The following LOC128125817 variants were observed in gnomAD, a reference collection of about 807,000 sequenced individuals.
At chr1:41,607,578 T>A in the LOC128125817 span, among the ~76,000 whole-genome samples, 2 of 152,198 alleles carry the variant, frequency 1.3e-5, no homozygotes, top group Non-Finnish European at 2.9e-5. Context: ...CTGTTTCCTT[T>A]GAAATAAGCT....
chr1:41,611,665 C>T, the LOC128125817 span, among the ~76,000 whole-genome samples: 1 of 152,220 alleles, frequency 6.6e-6, no homozygotes, highest in Non-Finnish European at 1.5e-5. Context: ...AGCCTTTAAT[C>T]AAGGAAGCAA....
the LOC128125817 span, among the ~76,000 whole-genome samples, chr1:41,619,102 C>T: frequency 5.1e-3 from 770 of 152,250 alleles, 3 homozygotes; most frequent in Non-Finnish European, 6.5e-3. Context: ...GATGTTGTGC[C>T]TGCCTCTCCC....
the LOC128125817 span, among the ~76,000 whole-genome samples, chr1:41,601,221 T>C: frequency 6.6e-6 from 1 of 152,168 alleles, no homozygotes; most frequent in African/African-American, 2.4e-5. Flanking sequence ...AGAGGATTGA[T>C]TTGGCTATTT....
the LOC128125817 span, among the ~76,000 whole-genome samples, chr1:41,614,462 C>T: frequency 1.3e-5 from 2 of 152,232 alleles, no homozygotes; most frequent in African/African-American, 4.8e-5. Flanking sequence ...GGCAAGCCTC[C>T]TTTCTGCAGG....
the LOC128125817 span, among the ~76,000 whole-genome samples, chr1:41,615,313 TC>T: frequency 6.6e-6 from 1 of 152,230 alleles, no homozygotes; most frequent in African/African-American, 2.4e-5. Context: ...ATGGTTTATG[TC>T]CTGAACTTGG....
At chr1:41,615,547 A>G in the LOC128125817 span, among the ~76,000 whole-genome samples, 1 of 152,258 alleles carries the variant, frequency 6.6e-6, no homozygotes, top group African/African-American at 2.4e-5. Flanking sequence ...AGGCACCAAG[A>G]CTGCCCAGAA....
chr1:41,595,609 G>A, the LOC128125817 span, among the ~76,000 whole-genome samples: 1 of 152,304 alleles, frequency 6.6e-6, no homozygotes, highest in East Asian at 1.9e-4. Flanking sequence ...AATATCGAAT[G>A]TCAACTTGAT....
chr1:41,618,942 C>A, the LOC128125817 span, among the ~76,000 whole-genome samples: 1 of 152,350 alleles, frequency 6.6e-6, no homozygotes, highest in Non-Finnish European at 1.5e-5. Context: ...CAGTTGCCAC[C>A]CTGGTGTGTG....
the LOC128125817 span, among the ~76,000 whole-genome samples, chr1:41,608,011 C>CT: frequency 1.3e-5 from 2 of 152,142 alleles, no homozygotes; most frequent in East Asian, 3.8e-4. Flanking sequence ...CTCCTAGCTG[C>CT]TAGGAGGGTG....
the LOC128125817 span, among the ~76,000 whole-genome samples, chr1:41,605,203 A>C: frequency 6.9e-6 from 1 of 145,636 alleles, no homozygotes; most frequent in South Asian, 2.2e-4. Flanking sequence ...AAGGGAAGGG[A>C]GGAAAGGAAG....
chr1:41,593,753 C>T, the LOC128125817 span, among the ~76,000 whole-genome samples: 1 of 152,252 alleles, frequency 6.6e-6, no homozygotes, highest in Non-Finnish European at 1.5e-5. Context: ...GAAATTACCA[C>T]AAATTTAGTG....
the LOC128125817 span, among the ~76,000 whole-genome samples, chr1:41,601,590 G>T: frequency 5.3e-5 from 8 of 152,210 alleles, no homozygotes; most frequent in East Asian, 1.5e-3. Context: ...TTTTGTAAAT[G>T]ATTTTGTATC....
chr1:41,617,904 C>A, the LOC128125817 span, among the ~76,000 whole-genome samples: 1 of 152,178 alleles, frequency 6.6e-6, no homozygotes, highest in African/African-American at 2.4e-5. Flanking sequence ...TCTTCTTTTA[C>A]AAAAGAGCCC....
chr1:41,625,861 T>TA, the LOC128125817 span, among the ~76,000 whole-genome samples: 1 of 152,230 alleles, frequency 6.6e-6, no homozygotes, highest in African/African-American at 2.4e-5. Flanking sequence ...AATTTGAACT[T>TA]AAAAAATAAT....
At chr1:41,604,177 T>C in the LOC128125817 span, among the ~76,000 whole-genome samples, 323 of 152,288 alleles carry the variant, frequency 2.1e-3, 1 homozygote, top group South Asian at 4.8e-3. Flanking sequence ...CCTAAGACTA[T>C]ATCCTATAGA....
At chr1:41,605,105 C>T in the LOC128125817 span, among the ~76,000 whole-genome samples, 4 of 60,816 alleles carry the variant, frequency 6.6e-5, no homozygotes, top group South Asian at 7.0e-4. Flanking sequence ...ACTCTGTCTC[C>T]AATAAAAAAA....
the LOC128125817 span, among the ~76,000 whole-genome samples, chr1:41,599,980 C>T: frequency 6.6e-6 from 1 of 152,078 alleles, no homozygotes; most frequent in Admixed American, 6.5e-5. Context: ...TCACCATTAC[C>T]AATTACTAGG....
At chr1:41,622,867 G>A in the LOC128125817 span, among the ~76,000 whole-genome samples, 1 of 152,212 alleles carries the variant, frequency 6.6e-6, no homozygotes, top group African/African-American at 2.4e-5. Context: ...TTTATTAAGA[G>A]ATTCATTAAG....
At chr1:41,611,346 C>T in the LOC128125817 span, among the ~76,000 whole-genome samples, 1 of 152,098 alleles carries the variant, frequency 6.6e-6, no homozygotes, top group Non-Finnish European at 1.5e-5. Flanking sequence ...AATTCCATCT[C>T]GTAACAAAGA....
Sources: allele counts gnomAD v4.1 joint callset (sites outside exome capture counted in the v4.1 genomes callset), GRCh38; gene constraint gnomAD v4.1.1; transcripts MANE v1.5.